Variants in QSOX1 observed in about 807,000 individuals in gnomAD.
The protein encoded by QSOX1 is sulfhydryl oxidase 1.
In QSOX1, 40 loss-of-function variants were observed where a neutral mutation model predicts 76.1. The observed-to-expected ratio is 0.53, with a 90% CI of 0.41 to 0.68. QSOX1 has a LOEUF of 0.68. Among genes scored for constraint, QSOX1 ranks in the 30% least tolerant of loss-of-function variants. QSOX1 has a pLI of 0.00. For synonymous variants in QSOX1, 392 were observed against 413.1 expected, an observed-to-expected ratio of 0.95 and a Z score of 0.62; for missense variants, 931 against 974.3, an observed-to-expected ratio of 0.96 and a Z score of 0.59.
chr1:180,189,624 A>G lies in QSOX1; in HGVS notation c.1090A>G (p.Asn364Asp), dbSNP rs759633607. ...TGAATGGCTCAAGAGGCAGAAGAGA[A>G]ATAAAATTCCCTACAGTTTCTTTAA... ...VNEWLKRQKR[N>D]KIPYSFFKTA... Residue 364 changes from asparagine (N) to aspartate (D), a missense_variant, in exon 9 of 12, where the codon AAT (asparagine) becomes GAT (aspartate). Asn to Asp is a conservative substitution (Grantham distance 23, BLOSUM62 1). Transcript: ENST00000367602. The G allele has an allele frequency of 1.2e-6, 2 of 1,613,400 alleles. No individual in the cohort carries two copies. Among genetic ancestry groups the G allele is most frequent in the Non-Finnish European group, 1.7e-6 (2 of 1,179,516 alleles).
chr1:180,170,867 C>T (rs1662745165), intron 2 of QSOX1, among the ~76,000 whole-genome samples: 1 of 152,164 alleles, frequency 6.6e-6, no homozygotes, highest in South Asian at 2.1e-4. Context: ...GTGGAGCTTG[C>T]AGAGATAAAT....
chr1:180,179,021 C>A, intron 5 of QSOX1, 137 bp downstream of exon 5: 1 of 718,856 alleles, frequency 1.4e-6, no homozygotes, highest in Non-Finnish European at 2.4e-6. Flanking sequence ...CTGACCCCTG[C>A]TGGGAGCCAT....
intron 3 of QSOX1, 127 bp downstream of exon 3, chr1:180,175,493 G>A: frequency 9.9e-7 from 1 of 1,006,944 alleles, no homozygotes; most frequent in Non-Finnish European, 1.6e-6. Context: ...GGTCCCCACG[G>A]GAAGCCTAAC....
chr1:180,167,734 C>T (rs148865179), intron 2 of QSOX1, among the ~76,000 whole-genome samples: 24 of 152,348 alleles, frequency 1.6e-4, no homozygotes, highest in African/African-American at 5.5e-4. Context: ...CTCCTGATAG[C>T]GAACCAACAG....
intron 2 of QSOX1, among the ~76,000 whole-genome samples, chr1:180,168,209 A>G (rs1337581375): frequency 6.6e-6 from 1 of 152,242 alleles, no homozygotes; most frequent in Non-Finnish European, 1.5e-5. Flanking sequence ...CACGCAGCGC[A>G]CGCAGCCTGG....
intron 1 of QSOX1, among the ~76,000 whole-genome samples, chr1:180,160,126 C>T (rs904023196): frequency 1.3e-5 from 2 of 152,020 alleles, no homozygotes; most frequent in Non-Finnish European, 2.9e-5. Flanking sequence ...TAATGACTCT[C>T]CCCAGGATAA....
intron 7 of QSOX1, 31 bp from the exon 8 acceptor site, chr1:180,186,022 T>G: frequency 6.2e-7 from 1 of 1,611,838 alleles, no homozygotes; most frequent in Non-Finnish European, 8.5e-7. Context: ...TTAATACTTC[T>G]TTCTCTCTCT....
Position 180,154,869 on chromosome 1 carries a change from A to C in QSOX1, c.-39A>C. On this transcript the variant is annotated 5_prime_UTR_variant, in exon 1 of 12. Coordinates refer to ENST00000367602, the MANE Select transcript of QSOX1 (RefSeq NM_002826.5). ...GTGCCGCGGCGCCGGGACCCGACTC[A>C]TCCGGTGCTTGCGTGTGGTGGTGAG... 3 of 1,353,042 alleles carry C rather than the reference A, an allele frequency of 2.2e-6. No homozygotes were observed. The highest frequency in any genetic ancestry group is 2.8e-6 in the Non-Finnish European group (3 of 1,057,368). 83.8% of individuals were successfully genotyped at this position (1,353,042 alleles called of 1,614,324 possible).
chr1:180,175,486 C>T (rs1662867236), intron 3 of QSOX1, 120 bp downstream of exon 3: 3 of 1,071,144 alleles, frequency 2.8e-6, no homozygotes, highest in Non-Finnish European at 4.3e-6. Context: ...GTGAGGCGGT[C>T]CCCACGGGAA....
At chr1:180,168,247 A>G (rs1662677135) in intron 2 of QSOX1, among the ~76,000 whole-genome samples, 2 of 152,236 alleles carry the variant, frequency 1.3e-5, no homozygotes, top group Non-Finnish European at 2.9e-5. Flanking sequence ...CCATCTCCTG[A>G]ACTGCCTGGC....
intron 1 of QSOX1, among the ~76,000 whole-genome samples, chr1:180,160,363 T>C (rs550196352): frequency 3.3e-5 from 5 of 151,384 alleles, no homozygotes; most frequent in African/African-American, 1.2e-4. Flanking sequence ...AGCAGTTCTA[T>C]TATCTAGTAT....
In QSOX1 at chr1:180,196,889, A is replaced by C. The variant is rs1572057794; in HGVS notation, c.2096A>C (p.Gln699Pro). 1.3e-6 allele frequency: 2 copies of C among 1,592,598 alleles called. No homozygotes were observed. Among genetic ancestry groups the C allele is most frequent in the South Asian group, 2.3e-5 (2 of 88,400 alleles). Residue 699 changes from glutamine to proline, a missense_variant, in exon 12 of 12, where the codon CAG becomes CCG. Transcript: ENST00000367602. The surrounding 1 kb of genome is among the most constrained non-coding windows in gnomAD (Gnocchi z 4.1). ...GGACGGGGCCGAGGCCAGTGGCTGC[A>C]GGTGCTGGGAGGGGGCTTCTCTTAC... ...RAGRGRGQWL[Q>P]VLGGGFSYLD... is the part of the protein sequence containing the mutation.
chr1:180,183,811 C>T, intron 6 of QSOX1, 105 bp from the exon 7 acceptor site: 2 of 1,291,460 alleles, frequency 1.5e-6, no homozygotes, highest in East Asian at 4.7e-5. Flanking sequence ...ATTTAATAAA[C>T]CTTCCTGTCC....
At chr1:180,179,736 C>T (rs991673483) in intron 5 of QSOX1, among the ~76,000 whole-genome samples, 1 of 152,246 alleles carries the variant, frequency 6.6e-6, no homozygotes, top group Non-Finnish European at 1.5e-5. Context: ...ACTGCACTGT[C>T]AGCCTGAGTG....
chr1:180,192,554 A>AGCATCAAACCACCAGCAAAGGAG (rs1663344162), intron 10 of QSOX1, among the ~76,000 whole-genome samples: 1 of 152,070 alleles, frequency 6.6e-6, no homozygotes, highest in African/African-American at 2.4e-5. Flanking sequence ...TTAAAGGCAG[A>AGCATCAAACCACCAGCAAAGGAG]GCTGAGGGAC....
chr1:180,196,182 C>T lies in QSOX1; in HGVS notation c.1469-80C>T, dbSNP rs1313066334. 1.1e-5 allele frequency: 16 copies of T among 1,492,764 alleles called. No homozygotes were observed. Among genetic ancestry groups the T allele is most frequent in the African/African-American group, 4.2e-5 (3 of 71,346 alleles). 92.5% of individuals were successfully genotyped at this position (1,492,764 alleles called of 1,614,324 possible). A position where few individuals can be genotyped will look rare whatever the true frequency, so the allele number is the denominator to read the frequency against. ...CCCTTTCTGCAGACAAGGAAGCTGG[C>T]GTTCTGAGTGGAGGAGTGTGGTCTG... On this transcript the variant is annotated intron_variant, in intron 11 of 11. Transcript: ENST00000367602. The surrounding 1 kb of genome is among the most constrained non-coding windows in gnomAD (Gnocchi z 4.1).
Position 180,196,281 on chromosome 1 carries a change from C to T in QSOX1, c.1488C>T (p.Pro496=), listed in dbSNP as rs769855117. 3.7e-6 allele frequency: 6 copies of T among 1,612,140 alleles called. No individual in the cohort carries two copies. The highest frequency in any genetic ancestry group is 5.1e-6 in the Non-Finnish European group (6 of 1,178,530). Residue 496 remains proline, a synonymous_variant, in exon 12 of 12, where the codon CCC becomes CCT. Transcript: ENST00000367602. This position sits in a 1 kb window ranked among gnomAD's most constrained non-coding sequence, Gnocchi z 4.1. ...ARLAGAPSED[P]QFPKVQWPPR... is the part of the protein sequence containing the mutation. ...CTGTAGGTGCCCCCAGCGAGGACCC[C>T]CAGTTCCCCAAGGTGCAGTGGCCAC...
At chr1:180,163,078 CAG>C (rs888745217) in intron 1 of QSOX1, among the ~76,000 whole-genome samples, 1 of 150,958 alleles carries the variant, frequency 6.6e-6, no homozygotes, top group Admixed American at 6.6e-5. Context: ...CTTGTTTTAA[CAG>C]AGAGGACCAA....
In QSOX1 at chr1:180,176,044, C is replaced by T; in HGVS notation, c.515+11C>T. 6.4e-7 allele frequency: 1 copy of T among 1,568,106 alleles called. No homozygotes were observed. Among genetic ancestry groups the T allele is most frequent in the Non-Finnish European group, 8.7e-7 (1 of 1,154,118 alleles). The stretch of plus-strand genomic sequence containing the variant: ...ACTGGAGCCTGCCAAGTACTTTGGG[C>T]TGGGGCAGGCTTAGTGCATTGTGGG... On this transcript the variant is annotated intron_variant, in intron 4 of 11. Transcript: ENST00000367602.
Sources: gnomAD v4.1 joint callset for allele counts (sites outside exome capture counted in the v4.1 genomes callset) on GRCh38, gnomAD v4.1.1 for gene constraint, Gnocchi (gnomAD v3.1) non-coding constraint, MANE v1.5 for transcripts, NCBI Gene and HGNC (gene_info 2026-07-23, HGNC 2026-07-21) for gene names.